Variants in ASCC3 observed in about 807,000 individuals in gnomAD.
ASCC3 encodes ASC-1 complex subunit P200.
Under a neutral mutation model 256.3 loss-of-function variants are expected in ASCC3, and 158 were observed. The ratio of observed to expected loss-of-function variants is 0.62; its 90% CI spans 0.54 to 0.70. ASCC3 has a LOEUF of 0.70. Ranked by LOEUF, ASCC3 falls within the 30% of genes least tolerant of loss-of-function variation. The pLI is 0.00. For missense variants in ASCC3, 2,259 were observed against 2,626.0 expected (o/e 0.86, Z 3.05); for synonymous variants, 948 against 883.4 (o/e 1.07, Z -1.30).
At chr6:100,724,296 A>C (rs1779519281) in intron 11 of ASCC3, among the ~76,000 whole-genome samples, 2 of 151,762 alleles carry the variant, frequency 1.3e-5, no homozygotes, top group African/African-American at 2.4e-5. Flanking sequence ...TAAAAAAAAA[A>C]CAGGTTTGAG....
intron 13 of ASCC3, among the ~76,000 whole-genome samples, chr6:100,708,502 T>C (rs1778709441): frequency 6.6e-6 from 1 of 152,038 alleles, no homozygotes; most frequent in South Asian, 2.1e-4. Context: ...TCAAGAGACA[T>C]CCCTCTAAAC....
At chr6:100,832,680 T>TAA (rs1028348943) in intron 4 of ASCC3, among the ~76,000 whole-genome samples, 7 of 152,054 alleles carry the variant, frequency 4.6e-5, no homozygotes, top group Non-Finnish European at 1.0e-4. Flanking sequence ...AAAACAAATT[T>TAA]AAGAGTATGC....
intron 30 of ASCC3, among the ~76,000 whole-genome samples, chr6:100,616,200 G>C (rs1465052689): frequency 6.6e-6 from 1 of 152,050 alleles, no homozygotes; most frequent in African/African-American, 2.4e-5. Context: ...CTGAACTCAG[G>C]ATAATTTTGA....
intron 10 of ASCC3, among the ~76,000 whole-genome samples, chr6:100,735,827 T>A (rs1448305224): frequency 6.6e-6 from 1 of 152,164 alleles, no homozygotes; most frequent in African/African-American, 2.4e-5. Flanking sequence ...AAAATAAAAC[T>A]ACGTATAAAA....
chr6:100,508,296 T>C lies in ASCC3; in HGVS notation c.*1090A>G, dbSNP rs971890098. 2.3e-4 allele frequency: 35 copies of C among 152,202 alleles called. No individual in the cohort carries two copies. Among genetic ancestry groups the C allele is most frequent in the African/African-American group, 8.4e-4 (35 of 41,452 alleles). 9.4% of individuals were successfully genotyped at this position (152,202 alleles called of 1,614,324 possible). ...AATTCTAGTATTTGTAACAATGACA[T>C]TGGAAAATGTTTTAAAATAATTCAT... On this transcript the variant is annotated 3_prime_UTR_variant, in exon 42 of 42. Transcript: ENST00000369162.
intron 36 of ASCC3, among the ~76,000 whole-genome samples, chr6:100,550,762 T>C (rs145603699): frequency 1.3e-5 from 2 of 152,122 alleles, no homozygotes; most frequent in East Asian, 3.9e-4. Context: ...TAAACCATGC[T>C]AATTCTGCTA....
At chr6:100,761,629 T>C (rs1366995664) in intron 10 of ASCC3, among the ~76,000 whole-genome samples, 1 of 152,152 alleles carries the variant, frequency 6.6e-6, no homozygotes, top group African/African-American at 2.4e-5. Context: ...CAGTAAGAAT[T>C]GGAGTTTGGA....
intron 37 of ASCC3, among the ~76,000 whole-genome samples, chr6:100,534,281 A>C (rs570914167): frequency 1.3e-3 from 201 of 152,238 alleles, no homozygotes; most frequent in African/African-American, 4.5e-3. Flanking sequence ...AACCAACCAA[A>C]CAAACAAAAA....
chr6:100,867,886 T>C lies in ASCC3; in HGVS notation c.90+22A>G, dbSNP rs777712380. On this transcript the variant is annotated intron_variant, in intron 2 of 41. Coordinates refer to ENST00000369162, the MANE Select transcript of ASCC3 (RefSeq NM_006828.4). ...TCTGTGTTTATAATAATGTTCAACA[T>C]TTCTACCTTTAACAAATCTACCTTT... The C allele has an allele frequency of 2.6e-6, 4 of 1,559,922 alleles. No individual in the cohort carries two copies. The Admixed American group carries it at 5.0e-5, about 20-fold the overall frequency.
At chr6:100,824,184 C>A (rs1289302101) in intron 4 of ASCC3, among the ~76,000 whole-genome samples, 3 of 152,010 alleles carry the variant, frequency 2.0e-5, no homozygotes, top group African/African-American at 7.2e-5. Context: ...ATATTATATC[C>A]AAGTAAAACA....
At chr6:100,852,598 A>C (rs1437164514) in intron 3 of ASCC3, among the ~76,000 whole-genome samples, 1 of 152,176 alleles carries the variant, frequency 6.6e-6, no homozygotes, top group Non-Finnish European at 1.5e-5. Context: ...TGTCTGCTTC[A>C]TATCACTCAC....
chr6:100,749,349 T>G (rs149691800), intron 10 of ASCC3, among the ~76,000 whole-genome samples: 5 of 151,958 alleles, frequency 3.3e-5, no homozygotes, highest in Non-Finnish European at 7.4e-5. Context: ...CAAAACAATA[T>G]ACAATCAACT....
intron 27 of ASCC3, among the ~76,000 whole-genome samples, chr6:100,628,347 T>G (rs1211219762): frequency 6.6e-6 from 1 of 152,156 alleles, no homozygotes; most frequent in African/African-American, 2.4e-5. Context: ...TACAGCAGTG[T>G]GACAACAGTT....
At chr6:100,678,805 C>A (rs1209451695) in intron 14 of ASCC3, among the ~76,000 whole-genome samples, 1 of 152,010 alleles carries the variant, frequency 6.6e-6, no homozygotes, top group Non-Finnish European at 1.5e-5. Context: ...CTATTTTTCT[C>A]CAGTAGTGCA....
At chr6:100,628,085 C>CAA in intron 27 of ASCC3, 98 bp from the exon 28 acceptor site, 1 of 1,003,764 alleles carries the variant, frequency 1.0e-6, no homozygotes, top group Non-Finnish European at 1.4e-6. Flanking sequence ...CCTCAAAAAA[C>CAA]AAAAACAAAA....
At chr6:100,815,894 T>C (rs1352326750) in intron 4 of ASCC3, among the ~76,000 whole-genome samples, 4 of 151,848 alleles carry the variant, frequency 2.6e-5, no homozygotes, top group Non-Finnish European at 5.9e-5. Context: ...CCAAAAGCAA[T>C]TGCAAAAATT....
At chr6:100,670,965 G>A (rs1776714933) in intron 14 of ASCC3, among the ~76,000 whole-genome samples, 1 of 151,910 alleles carries the variant, frequency 6.6e-6, no homozygotes, top group Non-Finnish European at 1.5e-5. Context: ...TCCACATTGT[G>A]ACATATTATA....
At chr6:100,861,330 T>C (rs1773214059) in intron 3 of ASCC3, among the ~76,000 whole-genome samples, 2 of 152,154 alleles carry the variant, frequency 1.3e-5, no homozygotes, top group African/African-American at 4.8e-5. Flanking sequence ...TCCAGCTTAA[T>C]GTCAATTGTC....
chr6:100,748,648 C>T (rs1780795634), intron 10 of ASCC3, among the ~76,000 whole-genome samples: 1 of 151,904 alleles, frequency 6.6e-6, no homozygotes, highest in Admixed American at 6.6e-5. Context: ...ATGTATTCGC[C>T]TGCTCAATAT....
Sources: gnomAD v4.1 joint callset for allele counts (sites outside exome capture counted in the v4.1 genomes callset) on GRCh38, gnomAD v4.1.1 for gene constraint, MANE v1.5 for transcripts, NCBI Gene and HGNC (gene_info 2026-07-23, HGNC 2026-07-21) for gene names.